MDGA1: variants seen among roughly 807,000 people sequenced by gnomAD.
MDGA1 encodes MAM domain containing glycosylphosphatidylinositol anchor 1.
Under a neutral mutation model 101.5 loss-of-function variants are expected in MDGA1, and 54 were observed. The ratio of observed to expected loss-of-function variants is 0.53; its 90% CI spans 0.43 to 0.67. MDGA1 has a LOEUF of 0.67. Among genes scored for constraint, MDGA1 ranks in the 30% least tolerant of loss-of-function variants. The probability of loss-of-function intolerance (pLI) is 0.00; values close to 1 mark genes in which losing one functional copy is unlikely to be tolerated. For missense variants in MDGA1, 1,083 were observed against 1,323.8 expected (o/e 0.82, Z 2.82); for synonymous variants, 533 against 558.3 (o/e 0.95, Z 0.64).
intron 14 of MDGA1, among the ~76,000 whole-genome samples, chr6:37,642,544 G>A (rs1764113258): frequency 6.6e-6 from 1 of 152,042 alleles, no homozygotes; most frequent in South Asian, 2.1e-4. Flanking sequence ...AATCACCTTT[G>A]GCAGATCAAC....
intron 1 of MDGA1, among the ~76,000 whole-genome samples, chr6:37,665,838 T>C (rs990822428): frequency 6.6e-6 from 1 of 152,222 alleles, no homozygotes; most frequent in Non-Finnish European, 1.5e-5. Context: ...GCATGTAACA[T>C]GCACGTTTGC....
chr6:37,683,912 G>C (rs908705553), intron 1 of MDGA1, among the ~76,000 whole-genome samples: 1 of 152,168 alleles, frequency 6.6e-6, no homozygotes, highest in African/African-American at 2.4e-5. Context: ...AGTGTGTTTT[G>C]ACTGTCCATG....
chr6:37,696,727 C>G lies in MDGA1; in HGVS notation c.67+18G>C. The G allele has an allele frequency of 6.4e-7, 1 of 1,568,086 alleles. No homozygotes were observed. Among genetic ancestry groups the G allele is most frequent in the African/African-American group, 1.4e-5 (1 of 73,900 alleles). ...CGCGCGAGGTTAAGCCAAGGTGGAG[C>G]GGGACGCGGGCTCTTACCGTAGACT... is the stretch of plus-strand genomic sequence containing the variant. On this transcript the variant is annotated intron_variant, in intron 1 of 16. Coordinates refer to ENST00000434837, the MANE Select transcript of MDGA1 (RefSeq NM_153487.4). The surrounding 1 kb of genome is among the most constrained non-coding windows in gnomAD (Gnocchi z 5.6).
At chr6:37,656,897 C>T (rs192616785) in intron 3 of MDGA1, among the ~76,000 whole-genome samples, 1 of 152,252 alleles carries the variant, frequency 6.6e-6, no homozygotes, top group East Asian at 1.9e-4. Flanking sequence ...TAGTTCTTGG[C>T]CCTGTTTGCC....
Position 37,650,229 on chromosome 6 carries a change from C to A in MDGA1, c.1489G>T (p.Gly497Trp). Residue 497 changes from glycine to tryptophan, a missense_variant, in exon 8 of 17, where the codon GGG becomes TGG. This residue lies in a region of MDGA1 where 657 missense variants were observed against 771.4 expected (regional missense o/e 0.85). Coordinates refer to ENST00000434837, the MANE Select transcript of MDGA1 (RefSeq NM_153487.4). Reference protein sequence around the residue: ...SGLPLEETPDGKLRLERVSRD... With the variant: ...SGLPLEETPDWKLRLERVSRD... ...CTCACTCGCTCCAGCCGCAGCTTCC[C>A]GTCCGGAGTCTCCTCCAGGGGCAGC... The A allele has an allele frequency of 6.2e-7, 1 of 1,611,306 alleles. No individual in the cohort carries two copies. The highest frequency in any genetic ancestry group is 2.2e-5 in the East Asian group (1 of 44,808).
At chr6:37,685,023 T>C (rs1240263498) in intron 1 of MDGA1, among the ~76,000 whole-genome samples, 1 of 152,148 alleles carries the variant, frequency 6.6e-6, no homozygotes, top group Non-Finnish European at 1.5e-5. Context: ...ACTTGGCAGC[T>C]GGGGACAGTG....
At chr6:37,663,775 A>G (rs749132509) in intron 2 of MDGA1, among the ~76,000 whole-genome samples, 192 bp downstream of exon 2, 1 of 152,206 alleles carries the variant, frequency 6.6e-6, no homozygotes, top group Admixed American at 6.5e-5. Flanking sequence ...TTTCAGGTGA[A>G]TGAGCCCATA....
At chr6:37,670,434 C>T (rs1446069758) in intron 1 of MDGA1, among the ~76,000 whole-genome samples, 1 of 152,166 alleles carries the variant, frequency 6.6e-6, no homozygotes, top group African/African-American at 2.4e-5. Flanking sequence ...AGGGCTGGAG[C>T]CCTTCCCCGA....
At chr6:37,657,448 C>T (rs1225344228) in intron 3 of MDGA1, among the ~76,000 whole-genome samples, 1 of 152,218 alleles carries the variant, frequency 6.6e-6, no homozygotes, top group Non-Finnish European at 1.5e-5. Flanking sequence ...CTATGCCTGC[C>T]AGCCTCTTCC....
At chr6:37,689,964 A>C (rs1762275066) in intron 1 of MDGA1, among the ~76,000 whole-genome samples, 1 of 152,166 alleles carries the variant, frequency 6.6e-6, no homozygotes, top group African/African-American at 2.4e-5. Flanking sequence ...TTCTCTGCTC[A>C]AAACCCTGCC....
chr6:37,664,393 G>A (rs1761696129), intron 1 of MDGA1: 1 of 335,080 alleles, frequency 3.0e-6, no homozygotes, highest in Non-Finnish European at 5.6e-6. Flanking sequence ...TGTACAGACT[G>A]GTCGTCACTC....
intron 1 of MDGA1, among the ~76,000 whole-genome samples, chr6:37,674,156 C>T (rs1761929082): frequency 1.3e-5 from 2 of 152,186 alleles, no homozygotes; most frequent in African/African-American, 4.8e-5. Context: ...CGACACAGGG[C>T]CTTTTCTGCT....
intron 16 of MDGA1, 83 bp from the exon 17 acceptor site, chr6:37,637,542 G>A (rs1763957362): frequency 8.4e-7 from 1 of 1,196,696 alleles, no homozygotes; most frequent in Non-Finnish European, 1.2e-6. Context: ...GGTCGGCACT[G>A]TTACTCTGCC....
Position 37,658,240 on chromosome 6 carries a change from C to T in MDGA1, c.382+5G>A. ...GGCCCGGGGAGAGAGGGGGCCTCAACTCACACTGCACGTCCACGCGGATGG... is the reference window on the plus strand; with the variant it reads ...GGCCCGGGGAGAGAGGGGGCCTCAATTCACACTGCACGTCCACGCGGATGG... On this transcript the variant is annotated splice_donor_5th_base_variant and intron_variant, in intron 3 of 16. Coordinates refer to ENST00000434837, the MANE Select transcript of MDGA1 (RefSeq NM_153487.4). 6.3e-7 allele frequency: 1 copy of T among 1,581,120 alleles called. No homozygotes were observed. Among genetic ancestry groups the T allele is most frequent in the Non-Finnish European group, 8.6e-7 (1 of 1,162,512 alleles).
intron 6 of MDGA1, among the ~76,000 whole-genome samples, chr6:37,654,009 T>G (rs1346981493): frequency 6.6e-6 from 1 of 152,240 alleles, no homozygotes; most frequent in Non-Finnish European, 1.5e-5. Flanking sequence ...ATCCTAGCCC[T>G]TCCTACTTCT....
At chr6:37,666,900 A>C (rs1391797319) in intron 1 of MDGA1, among the ~76,000 whole-genome samples, 1 of 152,214 alleles carries the variant, frequency 6.6e-6, no homozygotes, top group African/African-American at 2.4e-5. Context: ...GTCCCAAATT[A>C]TATTACACAG....
intron 1 of MDGA1, among the ~76,000 whole-genome samples, chr6:37,679,230 G>A (rs542267700): frequency 2.6e-5 from 4 of 152,036 alleles, no homozygotes; most frequent in South Asian, 2.1e-4. Flanking sequence ...AATCGAGTAG[G>A]TGGGGGGAGA....
intron 12 of MDGA1, among the ~76,000 whole-genome samples, chr6:37,645,379 C>CA (rs1695655619): frequency 6.6e-6 from 1 of 152,172 alleles, no homozygotes; most frequent in African/African-American, 2.4e-5. Context: ...ATTAAAAACA[C>CA]AAAAATCAGC....
chr6:37,657,686 C>G (rs539721654), intron 3 of MDGA1, among the ~76,000 whole-genome samples: 14 of 152,302 alleles, frequency 9.2e-5, no homozygotes, highest in African/African-American at 3.1e-4. Flanking sequence ...CCTGACTCAG[C>G]CTGACGGATG....
Sources: gnomAD v4.1 joint callset for allele counts (sites outside exome capture counted in the v4.1 genomes callset) on GRCh38, gnomAD v4.1.1 for gene constraint, gnomAD v4.1.1 regional missense constraint, Gnocchi (gnomAD v3.1) non-coding constraint, MANE v1.5 for transcripts, NCBI Gene and HGNC (gene_info 2026-07-23, HGNC 2026-07-21) for gene names.